Variants in AMN1 observed in about 807,000 individuals in gnomAD.
AMN1 encodes protein AMN1 homolog.
A neutral mutation model predicts 33.0 loss-of-function variants in AMN1; 20 were observed. The ratio of observed to expected loss-of-function variants is 0.61; its 90% CI spans 0.43 to 0.88. The LOEUF is 0.88. Among genes scored for constraint, AMN1 ranks in the 40% least tolerant of loss-of-function variants. The pLI, the probability that AMN1 is intolerant of heterozygous loss-of-function variation, is 0.00. For synonymous variants in AMN1, 114 were observed against 111.9 expected (o/e 1.02, Z -0.12); for missense variants, 246 against 307.4 (o/e 0.80, Z 1.49).
intron 4 of AMN1, 44 bp from the exon 5 acceptor site, chr12:31,697,461 C>A (rs372596524): frequency 6.3e-7 from 1 of 1,584,442 alleles, no homozygotes; most frequent in Non-Finnish European, 8.6e-7. Flanking sequence ...ATCCAGACAA[C>A]GGAAGTAGAA....
intron 1 of AMN1, among the ~76,000 whole-genome samples, chr12:31,714,279 A>C (rs1334680470): frequency 6.6e-6 from 1 of 152,100 alleles, no homozygotes. Context: ...GATTCCCTCT[A>C]AATTGTTCTC....
chr12:31,694,181 C>A (rs1479456750), intron 5 of AMN1, among the ~76,000 whole-genome samples: 2 of 151,148 alleles, frequency 1.3e-5, no homozygotes, highest in African/African-American at 2.4e-5. Flanking sequence ...GTGGCTCACA[C>A]CTGTAATCCC....
chr12:31,684,632 G>A (rs565035103), intron 6 of AMN1, among the ~76,000 whole-genome samples: 8 of 151,990 alleles, frequency 5.3e-5, no homozygotes, highest in Middle Eastern at 3.4e-3. Context: ...CACCATGCCC[G>A]GCTAATTTTT....
intron 6 of AMN1, among the ~76,000 whole-genome samples, chr12:31,680,758 A>G (rs1012578155): frequency 6.6e-6 from 1 of 152,206 alleles, no homozygotes; most frequent in Non-Finnish European, 1.5e-5. Context: ...CAATATTATA[A>G]TTGCACATGC....
At position 31,700,599 on chromosome 12, in the gene AMN1, A is replaced by G. The variant is rs200833738; in HGVS notation, c.316+1264T>C. Among the ~76,000 whole-genome samples the G allele has an allele frequency of 1.7e-4, 26 of 152,190 alleles. No individual in the cohort carries two copies. The East Asian group carries it at 3.7e-3, about 21-fold the overall frequency. On this transcript the variant is annotated intron_variant, in intron 3 of 6. Transcript: ENST00000281471. ...TCAAAAAAGCCTTAACAAAATATGAACTGGTCATTTCTTCTTCCACTATAC... is the reference window on the plus strand; with the variant it reads ...TCAAAAAAGCCTTAACAAAATATGAGCTGGTCATTTCTTCTTCCACTATAC...
chr12:31,723,191 C>A (rs1939937577), intron 1 of AMN1, among the ~76,000 whole-genome samples: 1 of 151,992 alleles, frequency 6.6e-6, no homozygotes, highest in Admixed American at 6.6e-5. Flanking sequence ...TTTATTGGAA[C>A]ACTGCCTTTG....
intron 5 of AMN1, among the ~76,000 whole-genome samples, chr12:31,691,601 T>C (rs991416176): frequency 6.6e-6 from 1 of 152,142 alleles, no homozygotes; most frequent in African/African-American, 2.4e-5. Context: ...AAAACATAAT[T>C]TTGAATAACA....
At chr12:31,693,549 CTTTTTTT>C (rs922316762) in intron 5 of AMN1, among the ~76,000 whole-genome samples, 2 of 139,684 alleles carry the variant, frequency 1.4e-5, no homozygotes, top group Non-Finnish European at 3.1e-5. Context: ...TTTCTTTTTT[CTTTTTTT>C]TTTTAGATGG....
chr12:31,726,191 C>T (rs1468082514), intron 1 of AMN1, among the ~76,000 whole-genome samples: 9 of 138,802 alleles, frequency 6.5e-5, no homozygotes, highest in East Asian at 2.1e-4. Flanking sequence ...GACGGAGTTT[C>T]GCTCTTGTTG....
At chr12:31,728,207 A>T (rs7309371) in intron 1 of AMN1, among the ~76,000 whole-genome samples, 5 of 151,962 alleles carry the variant, frequency 3.3e-5, no homozygotes, top group Non-Finnish European at 7.4e-5. Flanking sequence ...TAAGATGTCT[A>T]TTTTTTACAT....
chr12:31,699,157 G>T (rs1056058025), intron 3 of AMN1, among the ~76,000 whole-genome samples: 1 of 151,902 alleles, frequency 6.6e-6, no homozygotes, highest in African/African-American at 2.4e-5. Context: ...TTGGGAGGCC[G>T]AGGCGGGCAG....
At chr12:31,726,754 C>A (rs1467821741) in intron 1 of AMN1, among the ~76,000 whole-genome samples, 1 of 152,158 alleles carries the variant, frequency 6.6e-6, no homozygotes, top group Non-Finnish European at 1.5e-5. Flanking sequence ...TGTACCTTGT[C>A]CCAGAAGGGT....
chr12:31,718,743 T>G (rs1453286509), intron 1 of AMN1, among the ~76,000 whole-genome samples: 2 of 152,268 alleles, frequency 1.3e-5, no homozygotes, highest in African/African-American at 4.8e-5. Flanking sequence ...TAGACCTGTC[T>G]GCTGCCTTTT....
intron 1 of AMN1, chr12:31,719,357 C>G: frequency 1.0e-6 from 1 of 983,058 alleles, no homozygotes. Context: ...CTAAGCATCA[C>G]TAGGATCAGA....
chr12:31,690,001 C>T (rs60942371), intron 5 of AMN1, among the ~76,000 whole-genome samples: 1,559 of 152,264 alleles, frequency 0.01, 24 homozygotes, highest in African/African-American at 0.036. Flanking sequence ...TGAGTGAGAA[C>T]GTATGATGTT....
intron 1 of AMN1, among the ~76,000 whole-genome samples, chr12:31,710,227 G>C (rs1406367899): frequency 1.3e-5 from 2 of 152,178 alleles, no homozygotes; most frequent in Non-Finnish European, 2.9e-5. Context: ...TAGGCAGAAA[G>C]TAGAGTTATC....
chr12:31,682,513 C>A (rs549151727), intron 6 of AMN1, among the ~76,000 whole-genome samples: 3 of 4,188 alleles, frequency 7.2e-4, no homozygotes, highest in African/African-American at 2.9e-3. Flanking sequence ...ATCGGCGGGG[C>A]GGGTGGGGGG....
At chr12:31,705,074 T>C (rs1423717445) in intron 2 of AMN1, among the ~76,000 whole-genome samples, 2 of 152,244 alleles carry the variant, frequency 1.3e-5, no homozygotes, top group African/African-American at 2.4e-5. Flanking sequence ...CTAAGGTATC[T>C]ATGTTCAAAT....
At chr12:31,712,597 A>T (rs1304362313) in intron 1 of AMN1, among the ~76,000 whole-genome samples, 1 of 152,078 alleles carries the variant, frequency 6.6e-6, no homozygotes, top group East Asian at 1.9e-4. Flanking sequence ...TATATGTATT[A>T]TACCACATTT....
Sources: gnomAD v4.1 joint callset for allele counts (sites outside exome capture counted in the v4.1 genomes callset) on GRCh38, gnomAD v4.1.1 for gene constraint, MANE v1.5 for transcripts, NCBI Gene and HGNC (gene_info 2026-07-23, HGNC 2026-07-21) for gene names.